The following CASZ1 variants were observed in gnomAD, a reference collection of about 807,000 sequenced individuals.
The protein encoded by CASZ1 is zinc finger protein castor homolog 1.
Under a neutral mutation model 135.2 loss-of-function variants are expected in CASZ1, and 28 were observed. The ratio of observed to expected loss-of-function variants is 0.21; its 90% CI spans 0.15 to 0.28. The LOEUF is 0.28. Ranked by LOEUF, CASZ1 falls within the 10% of genes least tolerant of loss-of-function variation. The pLI, the probability that CASZ1 is intolerant of heterozygous loss-of-function variation, is 1.00. For synonymous variants in CASZ1, 1,068 were observed against 1,073.4 expected, an observed-to-expected ratio of 0.99 and a Z score of 0.10; for missense variants, 2,161 against 2,453.3, an observed-to-expected ratio of 0.88 and a Z score of 2.52.
rs142649357 is a variant in CASZ1, at chr1:10,644,100, A to C, written c.3869-789T>G. Among the ~76,000 whole-genome samples the C allele has an allele frequency of 3.8e-3, 584 of 152,320 alleles. 3 individuals are homozygous for C. The highest frequency in any genetic ancestry group is 0.013 in the African/African-American group (556 of 41,574). Reference sequence around the variant, plus strand: ...ACCTTTCACTTTTGGAAGGACCAGAATGCAGCAGCCCCCACCCCTGCTGCC... The same window carrying C: ...ACCTTTCACTTTTGGAAGGACCAGACTGCAGCAGCCCCCACCCCTGCTGCC... On this transcript the variant is annotated intron_variant, in intron 18 of 20. Coordinates refer to ENST00000377022, the MANE Select transcript of CASZ1 (RefSeq NM_001079843.3).
intron 6 of CASZ1, among the ~76,000 whole-genome samples, chr1:10,659,020 G>C (rs565586660): frequency 2.6e-5 from 4 of 152,258 alleles, no homozygotes; most frequent in East Asian, 1.9e-4. Flanking sequence ...GGGTCCGGGA[G>C]CCCCCCCAGG....
chr1:10,665,159 G>A lies in CASZ1; in HGVS notation c.429C>T (p.Gly143=), dbSNP rs749040511. 9 of 1,546,864 alleles carry A rather than the reference G, an allele frequency of 5.8e-6. No homozygotes were observed. Among genetic ancestry groups the A allele is most frequent in the African/African-American group, 2.7e-5 (2 of 73,212 alleles). ...CCGAATCCTTCTCCTCCAGGGCACC[G>A]CCGTCCTTGGAGGGCTCCTCCGCGT... ...EDHAEEPSKD[G]GALEEKDSDG... Residue 143 remains glycine (G), a synonymous_variant, in exon 5 of 21, where the codon GGC becomes GGT. Coordinates refer to ENST00000377022, the MANE Select transcript of CASZ1 (RefSeq NM_001079843.3).
chr1:10,727,322 G>A lies in CASZ1; in HGVS notation c.-76-21778C>T, dbSNP rs955201440. The stretch of plus-strand genomic sequence containing the variant: ...CCCACTCCAGGTCATCGGCCATCCA[G>A]CTCTTCATTCACAACTCTCCATGTG... On this transcript the variant is annotated intron_variant, in intron 2 of 20. Coordinates refer to ENST00000377022, the MANE Select transcript of CASZ1 (RefSeq NM_001079843.3). This position sits in a 1 kb window ranked among gnomAD's most constrained non-coding sequence, Gnocchi z 5.3. Among the ~76,000 whole-genome samples the A allele has an allele frequency of 1.3e-5, 2 of 151,990 alleles. No homozygotes were observed. Among genetic ancestry groups the A allele is most frequent in the African/African-American group, 4.8e-5 (2 of 41,364 alleles).
At chr1:10,752,397 G>A (rs79154200) in intron 2 of CASZ1, among the ~76,000 whole-genome samples, 320 of 152,310 alleles carry the variant, frequency 2.1e-3, no homozygotes, top group African/African-American at 7.4e-3. Flanking sequence ...CAGGGAAGGC[G>A]GTCCTGGGGA....
At chr1:10,662,776 C>T (rs896148801) in intron 5 of CASZ1, among the ~76,000 whole-genome samples, 1 of 152,162 alleles carries the variant, frequency 6.6e-6, no homozygotes, top group Admixed American at 6.5e-5. Context: ...CGCTCACACT[C>T]GGGCTCACCA....
chr1:10,718,252 A>G (rs1322624785), intron 2 of CASZ1, among the ~76,000 whole-genome samples: 1 of 152,086 alleles, frequency 6.6e-6, no homozygotes, highest in Non-Finnish European at 1.5e-5. Flanking sequence ...AGGATCCCAC[A>G]AGACAGGCCT....
intron 1 of CASZ1, among the ~76,000 whole-genome samples, chr1:10,789,026 C>T (rs1210443403): frequency 2.0e-5 from 3 of 152,258 alleles, no homozygotes; most frequent in East Asian, 3.9e-4. Flanking sequence ...TAAGGGGGAG[C>T]GTGGGGTGGG....
chr1:10,784,474 A>G (rs1425050163), intron 1 of CASZ1, among the ~76,000 whole-genome samples: 1 of 152,228 alleles, frequency 6.6e-6, no homozygotes, highest in Non-Finnish European at 1.5e-5. Flanking sequence ...TTAAATTGCC[A>G]TGTGGGCTAA....
chr1:10,716,997 A>G (rs1639406448), intron 2 of CASZ1, among the ~76,000 whole-genome samples: 1 of 152,092 alleles, frequency 6.6e-6, no homozygotes, highest in African/African-American at 2.4e-5. Flanking sequence ...TCACCAGCAC[A>G]GGCAGGCGGG....
At chr1:10,640,681 G>C (rs1642174959) in intron 20 of CASZ1, among the ~76,000 whole-genome samples, 1 of 152,196 alleles carries the variant, frequency 6.6e-6, no homozygotes, top group Admixed American at 6.5e-5. Context: ...CCCAAGGGCT[G>C]GGAGAGGGCA....
chr1:10,756,248 A>G lies in CASZ1; in HGVS notation c.-77+4453T>C, dbSNP rs1487863711. Among the ~76,000 whole-genome samples, 2 of 151,922 alleles carry G rather than the reference A, an allele frequency of 1.3e-5. No homozygotes were observed. Among genetic ancestry groups the G allele is most frequent in the East Asian group, 3.9e-4 (2 of 5,146 alleles). On this transcript the variant is annotated intron_variant, in intron 2 of 20. Coordinates refer to ENST00000377022, the MANE Select transcript of CASZ1 (RefSeq NM_001079843.3). This position sits in a 1 kb window ranked among gnomAD's most constrained non-coding sequence, Gnocchi z 5.9. ...GGTCAGGCCTCCAGAGCCTCCTTAC[A>G]GGGCCAGGCTGCTGTGCCACACATT...
chr1:10,763,899 G>A (rs1339166998), intron 1 of CASZ1, among the ~76,000 whole-genome samples: 1 of 152,158 alleles, frequency 6.6e-6, no homozygotes, highest in East Asian at 1.9e-4. Flanking sequence ...GTCTTGCTCT[G>A]TCACCCAGGC....
chr1:10,757,275 C>T lies in CASZ1; in HGVS notation c.-77+3426G>A, dbSNP rs975929953. Among the ~76,000 whole-genome samples the T allele has an allele frequency of 4.6e-5, 7 of 152,148 alleles. No individual in the cohort carries two copies. Among genetic ancestry groups the T allele is most frequent in the Admixed American group, 4.6e-4 (7 of 15,276 alleles). ...ACACAGAGCCACAAATCCGCGGGCA[C>T]AGAATGCTTGAGTCATCCTGGGGCC... On this transcript the variant is annotated intron_variant, in intron 2 of 20. Transcript: ENST00000377022. The surrounding 1 kb of genome is among the most constrained non-coding windows in gnomAD (Gnocchi z 4.6).
At chr1:10,745,198 T>C in intron 2 of CASZ1, among the ~76,000 whole-genome samples, 1 of 152,156 alleles carries the variant, frequency 6.6e-6, no homozygotes, top group East Asian at 1.9e-4. Flanking sequence ...TTCTTTGTCC[T>C]TTTATTTTGA....
intron 1 of CASZ1, among the ~76,000 whole-genome samples, chr1:10,769,236 G>A (rs1373523326): frequency 6.6e-6 from 1 of 152,204 alleles, no homozygotes; most frequent in Admixed American, 6.5e-5. Flanking sequence ...TTAGAAAAGT[G>A]GGGGAAGGTT....
chr1:10,795,211 C>G (rs1641041937), intron 1 of CASZ1, among the ~76,000 whole-genome samples: 1 of 151,646 alleles, frequency 6.6e-6, no homozygotes, highest in Non-Finnish European at 1.5e-5. Context: ...CCCATTCCCG[C>G]GCGCCCCCTG....
intron 2 of CASZ1, among the ~76,000 whole-genome samples, chr1:10,753,974 C>G (rs954235895): frequency 1.3e-5 from 2 of 152,188 alleles, no homozygotes; most frequent in African/African-American, 4.8e-5. Flanking sequence ...CCCTGACCCC[C>G]TCGACTTCAG....
At chr1:10,668,985 C>T (rs939249887) in intron 4 of CASZ1, among the ~76,000 whole-genome samples, 5 of 152,204 alleles carry the variant, frequency 3.3e-5, no homozygotes, top group Non-Finnish European at 4.4e-5. Flanking sequence ...GCCTCTCAGC[C>T]CCTCCTCGGA....
chr1:10,686,004 C>T (rs1638575232), intron 4 of CASZ1, among the ~76,000 whole-genome samples: 1 of 152,208 alleles, frequency 6.6e-6, no homozygotes, highest in East Asian at 1.9e-4. Flanking sequence ...TCACACAAAC[C>T]AGCTCCAGCT....
Sources: allele counts gnomAD v4.1 joint callset (sites outside exome capture counted in the v4.1 genomes callset), GRCh38; gene constraint gnomAD v4.1.1; non-coding constraint Gnocchi (gnomAD v3.1); transcripts MANE v1.5; gene names NCBI Gene and HGNC (gene_info 2026-07-23, HGNC 2026-07-21).